The following COL25A1 variants were observed in gnomAD, a reference collection of about 807,000 sequenced individuals.
The protein encoded by COL25A1 is collagen alpha-1(XXV) chain.
A neutral mutation model predicts 128.4 loss-of-function variants in COL25A1; 103 were observed. The observed-to-expected ratio is 0.80, with a 90% CI of 0.68 to 0.94. COL25A1 has a LOEUF of 0.94. Ranked by LOEUF, COL25A1 falls within the 40% of genes least tolerant of loss-of-function variation. COL25A1 has a pLI of 0.00. For synonymous variants in COL25A1, 279 were observed against 277.2 expected, an observed-to-expected ratio of 1.01 and a Z score of -0.06; for missense variants, 745 against 840.0, an observed-to-expected ratio of 0.89 and a Z score of 1.40.
At chr4:109,214,523 T>A (rs1382923947) in intron 3 of COL25A1, among the ~76,000 whole-genome samples, 1 of 152,118 alleles carries the variant, frequency 6.6e-6, no homozygotes, top group Non-Finnish European at 1.5e-5. Flanking sequence ...GAAACACTAA[T>A]AGTCGCTTTA....
intron 6 of COL25A1, among the ~76,000 whole-genome samples, chr4:108,984,075 G>A (rs1029494981): frequency 6.6e-6 from 1 of 152,122 alleles, no homozygotes; most frequent in African/African-American, 2.4e-5. Context: ...AGACACAAAG[G>A]TTCTCCAAGG....
intron 3 of COL25A1, among the ~76,000 whole-genome samples, chr4:109,201,073 C>T (rs1776520282): frequency 6.6e-6 from 1 of 152,130 alleles, no homozygotes; most frequent in Non-Finnish European, 1.5e-5. Context: ...AGTCTCAATA[C>T]ATCAATGTCA....
intron 24 of COL25A1, among the ~76,000 whole-genome samples, chr4:108,858,476 C>T (rs1200816073): frequency 6.6e-6 from 1 of 152,152 alleles, no homozygotes; most frequent in Non-Finnish European, 1.5e-5. Context: ...TTAAAAATGA[C>T]TCTAAACTTT....
At chr4:109,040,184 T>C (rs974515344) in intron 5 of COL25A1, among the ~76,000 whole-genome samples, 4 of 152,212 alleles carry the variant, frequency 2.6e-5, no homozygotes, top group African/African-American at 9.7e-5. Context: ...CAAAAACTTA[T>C]TTAATGACTG....
intron 25 of COL25A1, 69 bp downstream of exon 25, chr4:108,852,833 A>T (rs1386673589): frequency 8.1e-7 from 1 of 1,239,414 alleles, no homozygotes; most frequent in African/African-American, 1.5e-5. Context: ...CATTAGTACC[A>T]TTTTGGCTGG....
chr4:109,089,289 C>T (rs1426677720), intron 3 of COL25A1, among the ~76,000 whole-genome samples: 1 of 152,104 alleles, frequency 6.6e-6, no homozygotes, highest in Non-Finnish European at 1.5e-5. Context: ...TACATTAATC[C>T]ATTTTGGGCA....
At chr4:108,909,161 C>G (rs192791817) in intron 13 of COL25A1, among the ~76,000 whole-genome samples, 3 of 152,214 alleles carry the variant, frequency 2.0e-5, no homozygotes, top group Non-Finnish European at 4.4e-5. Context: ...AACTAAAATC[C>G]AAGACTAGTT....
At chr4:108,861,191 T>G (rs1444319893) in intron 22 of COL25A1, among the ~76,000 whole-genome samples, 1 of 152,086 alleles carries the variant, frequency 6.6e-6, no homozygotes, top group Non-Finnish European at 1.5e-5. Context: ...GGTAATAGAG[T>G]ATCTTGAAAC....
At chr4:109,102,675 C>T (rs945012556) in intron 3 of COL25A1, among the ~76,000 whole-genome samples, 5 of 152,134 alleles carry the variant, frequency 3.3e-5, no homozygotes, top group East Asian at 1.9e-4. Flanking sequence ...TACTTACAAG[C>T]TCTGTTATTA....
At chr4:109,245,947 T>TA (rs1780227844) in intron 3 of COL25A1, among the ~76,000 whole-genome samples, 2 of 144,740 alleles carry the variant, frequency 1.4e-5, no homozygotes, top group African/African-American at 5.2e-5. Context: ...GTAGGAGAGA[T>TA]ATGCAGAGGC....
chr4:109,146,864 C>A (rs760886519), intron 3 of COL25A1, among the ~76,000 whole-genome samples: 4 of 152,214 alleles, frequency 2.6e-5, no homozygotes, highest in Non-Finnish European at 5.9e-5. Flanking sequence ...AAGAATGTTG[C>A]ATCAGTGTGT....
intron 13 of COL25A1, among the ~76,000 whole-genome samples, chr4:108,904,908 ATTT>A (rs11288779): frequency 1.3e-4 from 19 of 151,376 alleles, no homozygotes; most frequent in African/African-American, 2.9e-4. Flanking sequence ...TGCTGCTTTC[ATTT>A]TTTTTTTAAA....
intron 5 of COL25A1, among the ~76,000 whole-genome samples, chr4:109,011,372 C>T (rs755147710): frequency 6.6e-6 from 1 of 152,172 alleles, no homozygotes; most frequent in Non-Finnish European, 1.5e-5. Context: ...TGTTCTCTAA[C>T]TCACTGGGGA....
At chr4:109,075,499 T>C (rs1763302154) in intron 3 of COL25A1, among the ~76,000 whole-genome samples, 2 of 152,054 alleles carry the variant, frequency 1.3e-5, no homozygotes, top group Admixed American at 6.6e-5. Context: ...ATGAATAAAA[T>C]AGAATGACAA....
At chr4:108,942,749 CTTTTTTTTTTTTT>C (rs746618908) in intron 8 of COL25A1, among the ~76,000 whole-genome samples, 12 of 69,960 alleles carry the variant, frequency 1.7e-4, no homozygotes, top group Non-Finnish European at 3.2e-4. Flanking sequence ...CACATCTGGA[CTTTTTTTTTTTTT>C]TTTTTTTTTT....
At chr4:109,000,960 A>C (rs1032398721) in intron 6 of COL25A1, among the ~76,000 whole-genome samples, 1 of 152,018 alleles carries the variant, frequency 6.6e-6, no homozygotes, top group African/African-American at 2.4e-5. Flanking sequence ...AGGCAAAAAG[A>C]AAAAGAAGAT....
chr4:108,826,703 AT>A (rs1732431298), intron 33 of COL25A1, among the ~76,000 whole-genome samples: 1 of 152,188 alleles, frequency 6.6e-6, no homozygotes, highest in African/African-American at 2.4e-5. Context: ...AGCAAGAGTC[AT>A]TTTAGTAAAT....
At chr4:109,100,727 T>A (rs1194027177) in intron 3 of COL25A1, among the ~76,000 whole-genome samples, 2 of 152,188 alleles carry the variant, frequency 1.3e-5, no homozygotes, top group Non-Finnish European at 2.9e-5. Context: ...GTAAGTACTG[T>A]TAATTATGAA....
At chr4:109,136,090 A>AG (rs1013964122) in intron 3 of COL25A1, among the ~76,000 whole-genome samples, 25 of 152,334 alleles carry the variant, frequency 1.6e-4, no homozygotes, top group African/African-American at 6.0e-4. Context: ...GTTAGCATAA[A>AG]GGGCACATGA....
Sources: allele counts gnomAD v4.1 joint callset (sites outside exome capture counted in the v4.1 genomes callset), GRCh38; gene constraint gnomAD v4.1.1; transcripts MANE v1.5; gene names NCBI Gene and HGNC (gene_info 2026-07-23, HGNC 2026-07-21).